CDHR5: variants seen among roughly 807,000 people sequenced by gnomAD.
The protein encoded by CDHR5 is cadherin-related family member 5.
Under a neutral mutation model 69.5 loss-of-function variants are expected in CDHR5, and 82 were observed. The observed-to-expected ratio is 1.18, with a 90% CI of 0.99 to 1.42. The LOEUF (loss-of-function observed/expected upper bound fraction) is 1.42, where lower values mean the gene tolerates loss of function less well. Among genes scored for constraint, CDHR5 ranks in the 40% most tolerant of loss-of-function variants. The pLI, the probability that CDHR5 is intolerant of heterozygous loss-of-function variation, is 0.00. For missense variants in CDHR5, 1,293 were observed against 1,168.9 expected (o/e 1.11, Z -1.55); for synonymous variants, 601 against 510.2 (o/e 1.18, Z -2.40).
chr11:623,121 C>G (rs943965470), intron 3 of CDHR5, among the ~76,000 whole-genome samples: 1 of 152,134 alleles, frequency 6.6e-6, no homozygotes, highest in Admixed American at 6.5e-5. Flanking sequence ...CCAGCCTGAC[C>G]AACATGGAGA....
chr11:620,191 C>T, intron 8 of CDHR5, 27 bp from the exon 9 acceptor site: 1 of 1,605,896 alleles, frequency 6.2e-7, no homozygotes, highest in East Asian at 2.2e-5. Context: ...AGTGCTCAGC[C>T]CCGGCCCCCT....
Position 620,390 on chromosome 11 carries a change from C to T in CDHR5, c.790-4G>A. On this transcript the variant is annotated splice_polypyrimidine_tract_variant and splice_region_variant and intron_variant, in intron 7 of 14. Coordinates refer to ENST00000397542, the MANE Select transcript of CDHR5 (RefSeq NM_021924.5). ...GACGCAGGACGAGGGGAGATGGCTT[C>T]AGGGATGGCGGAAGGGAGGGCACGT... 1 of 1,595,168 alleles carries T rather than the reference C, an allele frequency of 6.3e-7. No homozygotes were observed. Among genetic ancestry groups the T allele is most frequent in the Admixed American group, 1.7e-5 (1 of 58,390 alleles).
At chr11:622,243 G>A (rs1857456708) in intron 3 of CDHR5, among the ~76,000 whole-genome samples, 1 of 152,248 alleles carries the variant, frequency 6.6e-6, no homozygotes, top group Non-Finnish European at 1.5e-5. Context: ...GGGATTCAGA[G>A]ATCACAAGAG....
At chr11:618,184 G>A in intron 13 of CDHR5, 73 bp from the exon 14 acceptor site, 1 of 1,304,598 alleles carries the variant, frequency 7.7e-7, no homozygotes. Context: ...GCCAACCTGT[G>A]CCAGGCTTGG....
intron 13 of CDHR5, among the ~76,000 whole-genome samples, 163 bp downstream of exon 13, chr11:618,436 C>T (rs1183251581): frequency 6.6e-6 from 1 of 152,252 alleles, no homozygotes; most frequent in Non-Finnish European, 1.5e-5. Flanking sequence ...CAGGTTACCT[C>T]ACTGGGGGCC....
At position 618,748 on chromosome 11, in the gene CDHR5, G is replaced by T; in HGVS notation, c.1811C>A (p.Thr604Asn). 6.2e-7 allele frequency: 1 copy of T among 1,606,768 alleles called. No homozygotes were observed. Among genetic ancestry groups the T allele is most frequent in the Non-Finnish European group, 8.5e-7 (1 of 1,178,354 alleles). ...CGGCTGAGAGGTTCCTGCCTCTGGG[G>T]TCTGTGCTGTGCCCCCACCGGGTGT... Reference protein sequence around the residue: ...PATPGGGTAQTPEAGTSQPMP... With the variant: ...PATPGGGTAQNPEAGTSQPMP... The change falls in exon 13 of 15, where the codon ACC becomes AAC. Residue 604 changes from threonine (T) to asparagine (N), a missense_variant. Thr to Asn is a moderately conservative substitution (Grantham distance 65). Transcript: ENST00000397542.
In CDHR5 at chr11:621,755, C is replaced by G; in HGVS notation, c.405+57G>C. 1 of 1,568,880 alleles carries G rather than the reference C, an allele frequency of 6.4e-7. No homozygotes were observed. Among genetic ancestry groups the G allele is most frequent in the Non-Finnish European group, 8.8e-7 (1 of 1,140,364 alleles). On this transcript the variant is annotated intron_variant, in intron 4 of 14. Transcript: ENST00000397542. This position sits in a 1 kb window ranked among gnomAD's most constrained non-coding sequence, Gnocchi z 4.4. ...CCCCCGGCCACCACTCACCTCCTGCCCTCACCCTGGGCTCCCACACCCCCG... is the reference window on the plus strand; with the variant it reads ...CCCCCGGCCACCACTCACCTCCTGCGCTCACCCTGGGCTCCCACACCCCCG...
intron 14 of CDHR5, 67 bp downstream of exon 14, chr11:617,887 C>G: frequency 6.4e-7 from 1 of 1,555,548 alleles, no homozygotes; most frequent in Non-Finnish European, 8.7e-7. Context: ...TCTGCCCTCC[C>G]CTCTCCTGTC....
intron 3 of CDHR5, among the ~76,000 whole-genome samples, chr11:623,970 T>A (rs1048454032): frequency 1.3e-5 from 2 of 151,778 alleles, no homozygotes; most frequent in African/African-American, 4.8e-5. Context: ...TTGTGGATGG[T>A]TGAGGGAGTG....
rs747780656 is a variant in CDHR5 at position 621,210 on chromosome 11, G to A, written c.659C>T (p.Thr220Ile). ...CACCACGTTCAGCACTAGTGTGGCG[G>A]TGGCAGTGTGGCTGGGTTCCACATT... ...GENVEPSHTATATLVLNVVPA... is the reference protein window; with the variant it reads ...GENVEPSHTAIATLVLNVVPA... The change falls in exon 7 of 15, where the codon ACC becomes ATC. Residue 220 changes from threonine (T) to isoleucine (I), a missense_variant. By Grantham distance (89) the Thr-to-Ile change is moderately conservative (BLOSUM62 -1). Coordinates refer to ENST00000397542, the MANE Select transcript of CDHR5 (RefSeq NM_021924.5). This position sits in a 1 kb window ranked among gnomAD's most constrained non-coding sequence, Gnocchi z 4.4. 1.3e-5 allele frequency: 21 copies of A among 1,599,336 alleles called. No individual in the cohort carries two copies. Among genetic ancestry groups the A allele is most frequent in the Non-Finnish European group, 1.7e-5 (20 of 1,171,550 alleles).
chr11:618,104 G>T lies in CDHR5; in HGVS notation c.1968C>A (p.Gly656=). 6.2e-7 allele frequency: 1 copy of T among 1,607,896 alleles called. No homozygotes were observed. Among genetic ancestry groups the T allele is most frequent in the Non-Finnish European group, 8.5e-7 (1 of 1,177,238 alleles). Residue 656 remains glycine, a synonymous_variant, in exon 14 of 15, where the codon GGC becomes GGA. Coordinates refer to ENST00000397542, the MANE Select transcript of CDHR5 (RefSeq NM_021924.5). ...CCGAGAAGCGCTTGTCCTCCGAGGGGCCGCCACCTGGCATCGCAGTGGAAA... is the reference window on the plus strand; with the variant it reads ...CCGAGAAGCGCTTGTCCTCCGAGGGTCCGCCACCTGGCATCGCAGTGGAAA... ...LSKSTPSSGG[G]PSEDKRFSVV...
chr11:621,476 C>T lies in CDHR5; in HGVS notation c.508-21G>A. The T allele has an allele frequency of 1.2e-6, 2 of 1,606,890 alleles. No individual in the cohort carries two copies. The highest frequency in any genetic ancestry group is 1.1e-5 in the South Asian group (1 of 90,966). On this transcript the variant is annotated intron_variant, in intron 5 of 14. Transcript: ENST00000397542. This position sits in a 1 kb window ranked among gnomAD's most constrained non-coding sequence, Gnocchi z 4.4. The stretch of plus-strand genomic sequence containing the variant: ...GCACCCTGGGGAGGGTCAGGGAGGA[C>T]AGAGCCTAAGAGCCTTGGAGGGCGA...
chr11:624,123 C>T lies in CDHR5; in HGVS notation c.312+90G>A, dbSNP rs1857573252. 3 of 694,856 alleles carry T rather than the reference C, an allele frequency of 4.3e-6. No homozygotes were observed. The highest frequency in any genetic ancestry group is 5.4e-6 in the Non-Finnish European group (2 of 373,280). 43.0% of individuals were successfully genotyped at this position (694,856 alleles called of 1,614,324 possible). A position where few individuals can be genotyped will look rare whatever the true frequency, so the allele number is the denominator to read the frequency against. On this transcript the variant is annotated intron_variant, in intron 3 of 14. Transcript: ENST00000397542. This position sits in a 1 kb window ranked among gnomAD's most constrained non-coding sequence, Gnocchi z 5.3. Reference sequence around the variant, plus strand: ...GGTGGAATTTGAAACCACACCCTAGCTGACGTCATCAAAGACTGGTCCTGG... The same window carrying T: ...GGTGGAATTTGAAACCACACCCTAGTTGACGTCATCAAAGACTGGTCCTGG...
rs765194476 is a variant in CDHR5 at position 618,999 on chromosome 11, C to A, written c.1560G>T (p.Gly520=). 8.7e-6 allele frequency: 14 copies of A among 1,605,952 alleles called. No homozygotes were observed. In the South Asian group the frequency reaches 9.9e-5, roughly 11 times the overall value. The change falls in exon 13 of 15, where the codon GGG becomes GGT. Residue 520 remains glycine (G), a synonymous_variant. Transcript: ENST00000397542. ...LRPPTSSTPG[G]PPGAENSTSH... ...AGGTGCTGTTTTCTGCACCCGGGGGCCCCCCGGGTGTGGACGAGGTTGGTG... is the reference window on the plus strand; with the variant it reads ...AGGTGCTGTTTTCTGCACCCGGGGGACCCCCGGGTGTGGACGAGGTTGGTG...
Position 619,869 on chromosome 11 carries a change from C to A in CDHR5, c.991G>T (p.Asp331Tyr). 6.5e-7 allele frequency: 1 copy of A among 1,547,646 alleles called. No homozygotes were observed. The highest frequency in any genetic ancestry group is 8.7e-7 in the Non-Finnish European group (1 of 1,150,160). The change falls in exon 10 of 15, where the codon GAC (aspartate) becomes TAC (tyrosine). Residue 331 changes from aspartate to tyrosine, a missense_variant. By Grantham distance (160) the Asp-to-Tyr change is radical. Transcript: ENST00000397542. ...FLLLVKGQQA[D>Y]LARYSVTQVT... is the part of the protein sequence containing the mutation. Reference sequence around the variant, plus strand: ...TGGGTCACTGAGTAGCGGGCAAGGTCGGCCTGTTGGCCCTGGAGGCGGGGG... The same window carrying A: ...TGGGTCACTGAGTAGCGGGCAAGGTAGGCCTGTTGGCCCTGGAGGCGGGGG...
At position 617,682 on chromosome 11, in the gene CDHR5, G is replaced by T; in HGVS notation, c.2207C>A (p.Pro736His). The change falls in exon 15 of 15, where the codon CCC (proline) becomes CAC (histidine). Residue 736 changes from proline (P) to histidine (H), a missense_variant. By Grantham distance (77) the Pro-to-His change is moderately conservative. Coordinates refer to ENST00000397542, the MANE Select transcript of CDHR5 (RefSeq NM_021924.5). ...WAPVPSPTHD[P>H]KPAEAPMPAE... is the part of the protein sequence containing the mutation. ...GGGCATCGGTGCCTCCGCGGGCTTG[G>T]GGTCGTGCGTGGGGCTGGGGACGGG... The T allele has an allele frequency of 6.8e-7, 1 of 1,481,128 alleles. No homozygotes were observed. Among genetic ancestry groups the T allele is most frequent in the Non-Finnish European group, 8.9e-7 (1 of 1,122,274 alleles). 91.7% of individuals were successfully genotyped at this position (1,481,128 alleles called of 1,614,324 possible).
At chr11:618,515 G>T (rs1228809961) in intron 13 of CDHR5, 84 bp downstream of exon 13, 2 of 1,508,904 alleles carry the variant, frequency 1.3e-6, no homozygotes, top group African/African-American at 1.4e-5. Flanking sequence ...GGCCAGGTCA[G>T]CCTGGGGTGG....
Position 621,571 on chromosome 11 carries a change from T to A in CDHR5, c.498A>T (p.Glu166Asp), listed in dbSNP as rs779524399. Reference protein sequence around the residue: ...KDDILFYTLQEMTAGASDYFS... With the variant: ...KDDILFYTLQDMTAGASDYFS... ...GGTGGGCGGCACTGACTGCTGTCAT[T>A]TCCTGGAGGGTGTAGAACAGAATGT... Residue 166 changes from glutamate (E) to aspartate (D), a missense_variant, in exon 5 of 15, where the codon GAA becomes GAT. Coordinates refer to ENST00000397542, the MANE Select transcript of CDHR5 (RefSeq NM_021924.5). This position sits in a 1 kb window ranked among gnomAD's most constrained non-coding sequence, Gnocchi z 4.4. The A allele has an allele frequency of 1.2e-6, 2 of 1,613,198 alleles. No individual in the cohort carries two copies. The highest frequency in any genetic ancestry group is 1.7e-4 in the Middle Eastern group (1 of 6,058).
rs1857189140 is a variant in CDHR5 at position 619,105 on chromosome 11, G to T, written c.1454C>A (p.Pro485His). ...CGTGGAGGGTCCCTGGGAGGGCTCAGGGGGTCTGGGGACCTCGGAAGTGGT... is the reference window on the plus strand; with the variant it reads ...CGTGGAGGGTCCCTGGGAGGGCTCATGGGGTCTGGGGACCTCGGAAGTGGT... ...TSTTSEVPRP[P>H]EPSQGPSTTS... Residue 485 changes from proline to histidine, a missense_variant, in exon 13 of 15, where the codon CCT becomes CAT. Physicochemically the swap from Pro to His is moderately conservative, Grantham distance 77 (BLOSUM62 -2). Coordinates refer to ENST00000397542, the MANE Select transcript of CDHR5 (RefSeq NM_021924.5). 2 of 1,603,994 alleles carry T rather than the reference G, an allele frequency of 1.2e-6. No individual in the cohort carries two copies. The highest frequency in any genetic ancestry group is 1.7e-6 in the Non-Finnish European group (2 of 1,176,574).
Sources: allele counts gnomAD v4.1 joint callset (sites outside exome capture counted in the v4.1 genomes callset), GRCh38; gene constraint gnomAD v4.1.1; non-coding constraint Gnocchi (gnomAD v3.1); transcripts MANE v1.5; gene names NCBI Gene and HGNC (gene_info 2026-07-23, HGNC 2026-07-21).